The following FXYD7 variants were observed in gnomAD, a reference collection of about 807,000 sequenced individuals.
The protein encoded by FXYD7 is FXYD domain containing ion transport regulator 7.
Under a neutral mutation model 15.3 loss-of-function variants are expected in FXYD7, and 7 were observed. The observed-to-expected ratio is 0.46, with a 90% CI of 0.26 to 0.86. FXYD7 has a LOEUF of 0.86. Among genes scored for constraint, FXYD7 ranks in the 40% least tolerant of loss-of-function variants. The pLI, the probability that FXYD7 is intolerant of heterozygous loss-of-function variation, is 0.16. For synonymous variants in FXYD7, 39 were observed against 39.3 expected (o/e 0.99, Z 0.03); for missense variants, 78 against 100.6 (o/e 0.78, Z 0.96).
chr19:35,147,949 C>T (rs530928970), intron 1 of FXYD7, among the ~76,000 whole-genome samples: 37 of 150,040 alleles, frequency 2.5e-4, no homozygotes, highest in Non-Finnish European at 4.6e-4. Context: ...GCTGAGATCG[C>T]GCCACTGCAC....
intron 5 of FXYD7, among the ~76,000 whole-genome samples, chr19:35,153,338 G>A (rs1419853512): frequency 6.6e-6 from 1 of 152,146 alleles, no homozygotes; most frequent in Non-Finnish European, 1.5e-5. Flanking sequence ...TGGATTACAG[G>A]CGTGAGCCAC....
chr19:35,145,465 G>A (rs2065286173), intron 1 of FXYD7, among the ~76,000 whole-genome samples: 3 of 152,214 alleles, frequency 2.0e-5, no homozygotes, highest in South Asian at 2.1e-4. Context: ...GGGGAAGGAC[G>A]GGTGTGTGGA....
intron 1 of FXYD7, among the ~76,000 whole-genome samples, chr19:35,144,634 A>C: frequency 8.3e-6 from 1 of 121,150 alleles, no homozygotes; most frequent in East Asian, 2.9e-4. Context: ...CAGAATCCGA[A>C]GCAGGGCGGG....
At chr19:35,151,381 T>G (rs2145398878) in intron 3 of FXYD7, 53 bp downstream of exon 3, 1 of 1,603,660 alleles carries the variant, frequency 6.2e-7, no homozygotes, top group South Asian at 1.1e-5. Context: ...TCTGCTGGCT[T>G]TCATCCATAT....
At chr19:35,153,483 A>C (rs1600495224) in intron 5 of FXYD7, among the ~76,000 whole-genome samples, 1 of 152,290 alleles carries the variant, frequency 6.6e-6, no homozygotes, top group East Asian at 1.9e-4. Flanking sequence ...TTTCTGGTCT[A>C]TCCTAGGTGA....
chr19:35,151,604 A>G, intron 4 of FXYD7, 29 bp from the exon 5 acceptor site: 1 of 1,609,074 alleles, frequency 6.2e-7, no homozygotes, highest in Non-Finnish European at 8.5e-7. Flanking sequence ...ACCTCTTTCT[A>G]CTTTTCTCTC....
chr19:35,150,744 A>C (rs958871925), intron 2 of FXYD7, among the ~76,000 whole-genome samples: 1 of 152,052 alleles, frequency 6.6e-6, no homozygotes, highest in Non-Finnish European at 1.5e-5. Context: ...GAAGGAAAGG[A>C]ACTGGATCAT....
At chr19:35,145,532 C>T (rs945641341) in intron 1 of FXYD7, among the ~76,000 whole-genome samples, 2 of 152,212 alleles carry the variant, frequency 1.3e-5, no homozygotes, top group African/African-American at 4.8e-5. Context: ...AGGACTGCCT[C>T]ATAATCATTC....
chr19:35,149,881 G>A (rs1213317405), intron 2 of FXYD7, among the ~76,000 whole-genome samples: 1 of 152,138 alleles, frequency 6.6e-6, no homozygotes, highest in Non-Finnish European at 1.5e-5. Context: ...GATCGCTCAA[G>A]TCCAGGAGTT....
intron 1 of FXYD7, among the ~76,000 whole-genome samples, chr19:35,148,405 C>T (rs910279481): frequency 2.6e-5 from 4 of 152,186 alleles, no homozygotes; most frequent in African/African-American, 9.7e-5. Context: ...TGCATCAGAC[C>T]TCCATAGGGG....
At chr19:35,151,370 C>G (rs1432789261) in intron 3 of FXYD7, 42 bp downstream of exon 3, 1 of 1,598,568 alleles carries the variant, frequency 6.3e-7, no homozygotes, top group Non-Finnish European at 8.6e-7. Flanking sequence ...CCTCCGCTTC[C>G]TCTGCTGGCT....
In FXYD7 at chr19:35,151,572, C is replaced by T. The variant is rs117593335; in HGVS notation, c.180-61C>T. ...ATCCACTGGGCCTGCCATGCGTTTT[C>T]CCCAAAGCCTATGGTTATTGAACCT... On this transcript the variant is annotated intron_variant, in intron 4 of 5. Coordinates refer to ENST00000270310, the MANE Select transcript of FXYD7 (RefSeq NM_022006.2). 4.1e-4 allele frequency: 660 copies of T among 1,594,362 alleles called. 4 individuals carry two copies. The East Asian group carries it at 0.013, about 32-fold the overall frequency.
chr19:35,148,083 G>GA (rs1286927447), intron 1 of FXYD7, among the ~76,000 whole-genome samples: 2 of 123,882 alleles, frequency 1.6e-5, no homozygotes, highest in South Asian at 6.0e-4. Flanking sequence ...AAGAAAGAAA[G>GA]AAAGAAAGAA....
At chr19:35,150,192 C>G (rs2065304618) in intron 2 of FXYD7, among the ~76,000 whole-genome samples, 1 of 152,178 alleles carries the variant, frequency 6.6e-6, no homozygotes, top group Middle Eastern at 3.2e-3. Flanking sequence ...GCTGAGATTA[C>G]AGGCTCATTA....
intron 5 of FXYD7, among the ~76,000 whole-genome samples, 166 bp from the exon 6 acceptor site, chr19:35,153,728 C>T (rs1371774599): frequency 1.3e-5 from 2 of 152,150 alleles, no homozygotes; most frequent in East Asian, 1.9e-4. Flanking sequence ...CCCAAGGGAA[C>T]AAGACATTAG....
At chr19:35,149,399 A>G in intron 2 of FXYD7, 1 of 247,200 alleles carries the variant, frequency 4.0e-6, no homozygotes, top group Non-Finnish European at 8.2e-6. Flanking sequence ...GCTCCCCCTT[A>G]TTCAGGCCTC....
At chr19:35,152,940 TAAAAAAAAA>T (rs534802680) in intron 5 of FXYD7, among the ~76,000 whole-genome samples, 1 of 105,924 alleles carries the variant, frequency 9.4e-6, no homozygotes, top group South Asian at 3.9e-4. Context: ...TTCTTATAAC[TAAAAAAAAA>T]AAAAAAAAAA....
intron 1 of FXYD7, among the ~76,000 whole-genome samples, chr19:35,148,024 A>G (rs1600491778): frequency 8.2e-6 from 1 of 121,946 alleles, no homozygotes; most frequent in Non-Finnish European, 1.7e-5. Context: ...AAGAAGAAAG[A>G]AGGAAAGAAA....
chr19:35,153,139 A>T (rs1206249439), intron 5 of FXYD7, among the ~76,000 whole-genome samples: 1 of 142,548 alleles, frequency 7.0e-6, no homozygotes, highest in Non-Finnish European at 1.5e-5. Context: ...ACAACACTGC[A>T]ACCTCTGCGT....
Sources: allele counts gnomAD v4.1 joint callset (sites outside exome capture counted in the v4.1 genomes callset), GRCh38; gene constraint gnomAD v4.1.1; transcripts MANE v1.5; gene names NCBI Gene and HGNC (gene_info 2026-07-23, HGNC 2026-07-21).